PIK3AP1: variants seen among roughly 807,000 people sequenced by gnomAD.
The protein encoded by PIK3AP1 is phosphoinositide 3-kinase adapter protein 1.
In PIK3AP1, 21 loss-of-function variants were observed where a neutral mutation model predicts 88.1. The observed-to-expected ratio is 0.24, with a 90% CI of 0.17 to 0.34. The LOEUF is 0.34. Ranked by LOEUF, PIK3AP1 falls within the 10% of genes least tolerant of loss-of-function variation. The pLI is 1.00. For synonymous variants in PIK3AP1, 398 were observed against 400.0 expected, an observed-to-expected ratio of 1.00 and a Z score of 0.06; for missense variants, 828 against 1,035.7, an observed-to-expected ratio of 0.80 and a Z score of 2.75.
At chr10:96,670,173 A>AAG (rs1470203950) in intron 2 of PIK3AP1, among the ~76,000 whole-genome samples, 3 of 141,714 alleles carry the variant, frequency 2.1e-5, no homozygotes, top group Non-Finnish European at 4.5e-5. Flanking sequence ...AAAAAAAAAA[A>AAG]AGAGAGAGAG....
At chr10:96,677,626 C>CAA (rs1554960887) in intron 2 of PIK3AP1, among the ~76,000 whole-genome samples, 94 of 146,530 alleles carry the variant, frequency 6.4e-4, no homozygotes, top group African/African-American at 2.3e-3. Flanking sequence ...CACACACACA[C>CAA]AAAAGGCCTT....
At chr10:96,707,650 G>A (rs936715719) in intron 2 of PIK3AP1, among the ~76,000 whole-genome samples, 3 of 152,114 alleles carry the variant, frequency 2.0e-5, no homozygotes, top group African/African-American at 7.2e-5. Context: ...GAGATGCCCA[G>A]TCAGTGGCAA....
intron 2 of PIK3AP1, 59 bp downstream of exon 2, chr10:96,709,508 C>T (rs1844409455): frequency 1.3e-6 from 2 of 1,528,632 alleles, no homozygotes; most frequent in Admixed American, 4.0e-5. Flanking sequence ...TAAACTTACA[C>T]CTAGGACCTG....
intron 1 of PIK3AP1, among the ~76,000 whole-genome samples, chr10:96,718,333 GAAAA>G (rs1025733160): frequency 1.3e-5 from 2 of 152,192 alleles, no homozygotes; most frequent in African/African-American, 4.8e-5. Context: ...GCTTTTAAAA[GAAAA>G]GAAGAACATA....
chr10:96,703,991 A>G (rs1844331109), intron 2 of PIK3AP1, among the ~76,000 whole-genome samples: 1 of 152,234 alleles, frequency 6.6e-6, no homozygotes, highest in South Asian at 2.1e-4. Flanking sequence ...GGGGTGGGAA[A>G]TAAAACCTCC....
At chr10:96,697,881 AT>A (rs1844242475) in intron 2 of PIK3AP1, among the ~76,000 whole-genome samples, 1 of 152,264 alleles carries the variant, frequency 6.6e-6, no homozygotes, top group South Asian at 2.1e-4. Context: ...AGTAATGCAT[AT>A]ACCAACATAA....
intron 2 of PIK3AP1, among the ~76,000 whole-genome samples, chr10:96,660,479 A>G (rs1039216825): frequency 1.3e-5 from 2 of 152,168 alleles, no homozygotes; most frequent in Non-Finnish European, 2.9e-5. Context: ...ACAACACCAA[A>G]TGCTGGTCAG....
rs1848708833 is a variant in PIK3AP1, at chr10:96,593,627, T to C, written c.*1950A>G. 7.1e-6 allele frequency: 1 copy of C among 141,406 alleles called. No homozygotes were observed. The highest frequency in any genetic ancestry group is 6.7e-5 in the Admixed American group (1 of 14,878). 8.8% of individuals were successfully genotyped at this position (141,406 alleles called of 1,614,324 possible). On this transcript the variant is annotated 3_prime_UTR_variant, in exon 17 of 17. Coordinates refer to ENST00000339364, the MANE Select transcript of PIK3AP1 (RefSeq NM_152309.3). ...GGCAAGCATACCAACATCAAAATTA[T>C]TCTTCTTCTTATCTCACGTGCCCCT...
At chr10:96,639,516 A>C (rs75614254) in intron 8 of PIK3AP1, among the ~76,000 whole-genome samples, 2,531 of 152,288 alleles carry the variant, frequency 0.017, 80 homozygotes, top group African/African-American at 0.057. Flanking sequence ...TGGGGATTTT[A>C]TCTTTAAATG....
At chr10:96,629,930 A>AAAAAAAAAAAAAAAAAG (rs776780994) in intron 8 of PIK3AP1, among the ~76,000 whole-genome samples, 1 of 13,722 alleles carries the variant, frequency 7.3e-5, no homozygotes, top group African/African-American at 1.8e-4. Context: ...AAAAAAAAAA[A>AAAAAAAAAAAAAAAAAG]AAGAAGAAGA....
Position 96,681,351 on chromosome 10 carries a change from G to A in PIK3AP1, c.431-24417C>T, listed in dbSNP as rs1843996892. On this transcript the variant is annotated intron_variant, in intron 2 of 16. Coordinates refer to ENST00000339364, the MANE Select transcript of PIK3AP1 (RefSeq NM_152309.3). ...TTAGGACTTCCAAATATGAATATAA[G>A]GTAGACACAATTCATCCCATAACAA... Among the ~76,000 whole-genome samples, 7 of 152,178 alleles carry A rather than the reference G, an allele frequency of 4.6e-5. No homozygotes were observed. The South Asian group carries it at 1.4e-3, about 32-fold the overall frequency.
intron 2 of PIK3AP1, among the ~76,000 whole-genome samples, chr10:96,697,967 T>G (rs1183838772): frequency 1.1e-4 from 16 of 152,270 alleles, no homozygotes; most frequent in Admixed American, 1.0e-3. Flanking sequence ...TTTTTCTTTT[T>G]ATAAATCCTG....
At chr10:96,656,992 T>G in intron 2 of PIK3AP1, 58 bp from the exon 3 acceptor site, 1 of 1,586,466 alleles carries the variant, frequency 6.3e-7, no homozygotes. Context: ...TGTGGACATG[T>G]TCCACCCCAT....
intron 16 of PIK3AP1, among the ~76,000 whole-genome samples, chr10:96,599,342 G>C (rs1338354817): frequency 6.6e-6 from 1 of 152,196 alleles, no homozygotes; most frequent in African/African-American, 2.4e-5. Context: ...GGCTATGTTT[G>C]AGATATTGGT....
intron 12 of PIK3AP1, chr10:96,618,675 A>C (rs758099488): frequency 6.6e-6 from 1 of 152,410 alleles, no homozygotes; most frequent in Non-Finnish European, 1.5e-5. Flanking sequence ...ACAGTAGCTT[A>C]TATCACCTAG....
chr10:96,711,156 A>C (rs1043739833), intron 1 of PIK3AP1, among the ~76,000 whole-genome samples: 1 of 152,306 alleles, frequency 6.6e-6, no homozygotes, highest in South Asian at 2.1e-4. Flanking sequence ...TCATCTAGGA[A>C]GGTTAAGGGA....
rs72818993 is a variant in PIK3AP1 at position 96,636,424 on chromosome 10, T to G, written c.1376-7931A>C. Among the ~76,000 whole-genome samples the G allele has an allele frequency of 8.1e-3, 1,237 of 151,918 alleles. 5 individuals are homozygous for G. Among genetic ancestry groups the G allele is most frequent in the Non-Finnish European group, 0.011 (752 of 67,818 alleles). Reference sequence around the variant, plus strand: ...TACCTGGTTACCTGGAGTTAATGAGTGATAAAACCCTCTCAGGCTCTAAAT... The same window carrying G: ...TACCTGGTTACCTGGAGTTAATGAGGGATAAAACCCTCTCAGGCTCTAAAT... On this transcript the variant is annotated intron_variant, in intron 8 of 16. Coordinates refer to ENST00000339364, the MANE Select transcript of PIK3AP1 (RefSeq NM_152309.3).
In PIK3AP1 at chr10:96,602,444, A is replaced by G. The variant is rs373136535; in HGVS notation, c.2242-46T>C. The G allele has an allele frequency of 2.9e-5, 44 of 1,501,916 alleles. No individual in the cohort carries two copies. The African/African-American group carries it at 5.5e-4, about 19-fold the overall frequency. 93.0% of individuals were successfully genotyped at this position (1,501,916 alleles called of 1,614,324 possible). A position where few individuals can be genotyped will look rare whatever the true frequency, so the allele number is the denominator to read the frequency against. On this transcript the variant is annotated intron_variant, in intron 15 of 16. Coordinates refer to ENST00000339364, the MANE Select transcript of PIK3AP1 (RefSeq NM_152309.3). ...AAGAAAGGCGAAAACTACATTCAGC[A>G]ACCAGCATAGCTGGACAACCGTAAC...
chr10:96,676,857 C>T (rs1843928820), intron 2 of PIK3AP1, among the ~76,000 whole-genome samples: 1 of 152,096 alleles, frequency 6.6e-6, no homozygotes, highest in Admixed American at 6.5e-5. Flanking sequence ...GGAATCTAAC[C>T]CTTGAGCTGC....
Sources: gnomAD v4.1 joint callset for allele counts (sites outside exome capture counted in the v4.1 genomes callset) on GRCh38, gnomAD v4.1.1 for gene constraint, MANE v1.5 for transcripts, NCBI Gene and HGNC (gene_info 2026-07-23, HGNC 2026-07-21) for gene names.